Variants in CFAP46 observed in about 807,000 individuals in gnomAD.
CFAP46 encodes cilia- and flagella-associated protein 46.
In CFAP46, 245 loss-of-function variants were observed where a neutral mutation model predicts 325.7. The ratio of observed to expected loss-of-function variants is 0.75; its 90% confidence interval spans 0.68 to 0.84. The LOEUF is 0.84. CFAP46 is among the 40% of genes least tolerant of loss of function. CFAP46 has a pLI of 0.00. For missense variants in CFAP46, 3,346 were observed against 3,543.0 expected (o/e 0.94, Z 1.41); for synonymous variants, 1,523 against 1,495.9 (o/e 1.02, Z -0.42).
chr10:132,879,902 C>T (rs557330760), intron 28 of CFAP46, among the ~76,000 whole-genome samples: 97 of 152,280 alleles, frequency 6.4e-4, no homozygotes, highest in Non-Finnish European at 1.2e-3. Context: ...TCTCCTGCTG[C>T]CCTGTGTGTC....
intron 28 of CFAP46, 37 bp downstream of exon 28, chr10:132,880,824 G>C (rs370043685): frequency 1.3e-6 from 2 of 1,532,390 alleles, no homozygotes; most frequent in Non-Finnish European, 8.8e-7. Context: ...CTGGGGAGCG[G>C]CGTGGGGTCG....
intron 20 of CFAP46, 88 bp downstream of exon 20, chr10:132,909,831 T>C (rs545063305): frequency 7.2e-6 from 9 of 1,248,240 alleles, no homozygotes; most frequent in Admixed American, 3.6e-5. Context: ...AGCTAAGTGG[T>C]CCCGGGGGCC....
intron 33 of CFAP46, among the ~76,000 whole-genome samples, chr10:132,868,961 G>A (rs939659888): frequency 3.9e-5 from 6 of 152,326 alleles, no homozygotes; most frequent in Admixed American, 6.5e-5. Context: ...CACTGCCTCA[G>A]GACCCGGCGC....
intron 7 of CFAP46, among the ~76,000 whole-genome samples, chr10:132,935,948 C>T (rs1293889729): frequency 7.0e-5 from 8 of 114,462 alleles, no homozygotes; most frequent in Admixed American, 8.2e-5. Context: ...GGCACCCAAA[C>T]ACACTGCGAT....
At chr10:132,854,382 G>A (rs1392403141) in intron 39 of CFAP46, among the ~76,000 whole-genome samples, 3 of 151,546 alleles carry the variant, frequency 2.0e-5, no homozygotes, top group African/African-American at 7.3e-5. Flanking sequence ...TGTCGCCCAG[G>A]CTGGAGTGCA....
chr10:132,846,971 C>T lies in CFAP46; in HGVS notation c.6228G>A (p.Leu2076=). Residue 2076 remains leucine, a synonymous_variant, in exon 43 of 58, where the codon CTG becomes CTA. Transcript: ENST00000368586. ...SLEMVECVGT[L]DPATTCQFLA... ...GGAACTGGCAGGTAGTTGCAGGGTC[C>T]AGGGTGCCGACACACTCCACCATCT... 1 of 1,610,894 alleles carries T rather than the reference C, an allele frequency of 6.2e-7. No homozygotes were observed. The highest frequency in any genetic ancestry group is 8.5e-7 in the Non-Finnish European group (1 of 1,179,738).
At chr10:132,885,451 G>A (rs1470301319) in intron 26 of CFAP46, among the ~76,000 whole-genome samples, 165 bp from the exon 27 acceptor site, 3 of 151,744 alleles carry the variant, frequency 2.0e-5, no homozygotes, top group Non-Finnish European at 2.9e-5. Context: ...TCTCGGGGGT[G>A]AGCGGGGGCC....
At chr10:132,840,801 C>T (rs557141992) in intron 44 of CFAP46, among the ~76,000 whole-genome samples, 53 of 152,304 alleles carry the variant, frequency 3.5e-4, no homozygotes, top group Non-Finnish European at 6.6e-4. Flanking sequence ...TTGGAAAACA[C>T]GCTCTGAGTG....
At chr10:132,820,262 C>T (rs1237176276) in intron 50 of CFAP46, among the ~76,000 whole-genome samples, 2 of 152,250 alleles carry the variant, frequency 1.3e-5, no homozygotes, top group Non-Finnish European at 2.9e-5. Context: ...GCACCGAAGG[C>T]CAGAGGCTGC....
chr10:132,850,096 T>G, intron 41 of CFAP46, 148 bp downstream of exon 41: 1 of 813,224 alleles, frequency 1.2e-6, no homozygotes, highest in Non-Finnish European at 2.0e-6. Flanking sequence ...GCCAGCCCCA[T>G]TTCTTCCCTC....
chr10:132,834,387 G>A (rs1299392555), intron 48 of CFAP46, among the ~76,000 whole-genome samples: 9 of 152,164 alleles, frequency 5.9e-5, no homozygotes, highest in African/African-American at 9.7e-5. Flanking sequence ...CAGCCCGGGC[G>A]GTCCCTTGGA....
At chr10:132,841,701 G>A (rs749088392) in intron 44 of CFAP46, among the ~76,000 whole-genome samples, 15 of 152,200 alleles carry the variant, frequency 9.9e-5, no homozygotes, top group South Asian at 2.1e-4. Context: ...CCACGTGGCC[G>A]TGGCCAATGC....
In CFAP46 at chr10:132,911,269, G is replaced by A. The variant is rs1037172659; in HGVS notation, c.2500-1201C>T. The stretch of plus-strand genomic sequence containing the variant: ...CCACACTGACTGCCCAGGGCCAGCC[G>A]TCCCCACTGGGAGCTGGGAGCACTA... On this transcript the variant is annotated intron_variant, in intron 19 of 57. Transcript: ENST00000368586. 1.6e-4 allele frequency among the ~76,000 whole-genome samples: 25 copies of A among 152,212 alleles called. 1 individual carries two copies. Among genetic ancestry groups the A allele is most frequent in the Admixed American group, 5.2e-4 (8 of 15,286 alleles).
In CFAP46 at chr10:132,913,530, G is replaced by A. The variant is rs114002179; in HGVS notation, c.2121-272C>T. The stretch of plus-strand genomic sequence containing the variant: ...AGCGCATTCCAAGGATCTAGGCCGC[G>A]TGCTCCTTGCGAGAATTGAACACCT... On this transcript the variant is annotated intron_variant, in intron 17 of 57. Transcript: ENST00000368586. 3.9e-3 allele frequency among the ~76,000 whole-genome samples: 592 copies of A among 152,290 alleles called. 5 individuals are homozygous for A. The highest frequency in any genetic ancestry group is 0.014 in the African/African-American group (568 of 41,554).
intron 16 of CFAP46, 92 bp from the exon 17 acceptor site, chr10:132,916,774 T>C: frequency 7.2e-7 from 1 of 1,390,670 alleles, no homozygotes; most frequent in Non-Finnish European, 9.4e-7. Context: ...TCAGCTCTGA[T>C]TTGAAAATGC....
chr10:132,929,981 A>T (rs1849868370), intron 8 of CFAP46, among the ~76,000 whole-genome samples, 177 bp from the exon 9 acceptor site: 1 of 152,124 alleles, frequency 6.6e-6, no homozygotes, highest in Non-Finnish European at 1.5e-5. Context: ...GCAGGGCTTC[A>T]AGCTACAGCA....
Position 132,885,876 on chromosome 10 carries a change from C to T in CFAP46, c.3388G>A (p.Gly1130Ser), listed in dbSNP as rs531957997. 219 of 1,549,996 alleles carry T rather than the reference C, an allele frequency of 1.4e-4. No homozygotes were observed. Among genetic ancestry groups the T allele is most frequent in the Non-Finnish European group, 1.8e-4 (202 of 1,146,796 alleles). Residue 1130 changes from glycine (G) to serine (S), a missense_variant, in exon 26 of 58, where the codon GGC becomes AGC. Physicochemically the swap from Gly to Ser is moderately conservative, Grantham distance 56. Coordinates refer to ENST00000368586, the MANE Select transcript of CFAP46 (RefSeq NM_001200049.3). ...ACAGCCTCGTCCAGCACCTTGAGGC[C>T]GCCCTCCCAGTCGTCCTGGTCGGCA... ...SHADQDDWEG[G>S]LKVLDEAVQV...
intron 50 of CFAP46, among the ~76,000 whole-genome samples, chr10:132,824,979 CTGATGTGTGCTG>C (rs1848011674): frequency 2.4e-5 from 3 of 127,260 alleles, no homozygotes; most frequent in African/African-American, 6.3e-5. Flanking sequence ...CTGATGTGTG[CTGATGTGTGCTG>C]TGTGTGCTGA....
At chr10:132,913,333 GCCTGTTAGGAACCAGGCTGCA>G in intron 17 of CFAP46, 75 bp from the exon 18 acceptor site, 4 of 1,102,054 alleles carry the variant, frequency 3.6e-6, no homozygotes, top group African/African-American at 1.6e-5. Flanking sequence ...AGGCTGCGGG[GCCTGTTAGGAACCAGGCTGCA>G]GGGCAAGAAG....
Sources: gnomAD v4.1 joint callset for allele counts (sites outside exome capture counted in the v4.1 genomes callset) on GRCh38, gnomAD v4.1.1 for gene constraint, MANE v1.5 for transcripts, NCBI Gene and HGNC (gene_info 2026-07-23, HGNC 2026-07-21) for gene names.